Variants in ZNF331 observed in about 807,000 individuals in gnomAD.
ZNF331 encodes zinc finger protein 331, also known as C2H2-like zinc finger protein rearranged in thyroid adenomas.
ZNF331 carries 2 observed loss-of-function variants against 7.0 expected under a neutral mutation model. The observed-to-expected ratio is 0.29, with a 90% CI of 0.12 to 0.90. The LOEUF (loss-of-function observed/expected upper bound fraction) is 0.90. Ranked by LOEUF, ZNF331 falls within the 40% of genes least tolerant of loss-of-function variation. The pLI is 0.58. For synonymous variants in ZNF331, 196 were observed against 205.4 expected (o/e 0.95, Z 0.39); for missense variants, 432 against 587.7 (o/e 0.74, Z 2.74).
At chr19:53,551,575 A>T (rs928938788) in intron 2 of ZNF331, among the ~76,000 whole-genome samples, 1 of 152,142 alleles carries the variant, frequency 6.6e-6, no homozygotes, top group African/African-American at 2.4e-5. Context: ...CATGGCAACA[A>T]ATTATCAAAA....
chr19:53,531,572 C>T (rs2087541656), intron 2 of ZNF331, among the ~76,000 whole-genome samples: 1 of 152,160 alleles, frequency 6.6e-6, no homozygotes, highest in South Asian at 2.1e-4. Flanking sequence ...TTTCCCTAAG[C>T]CTGATTTTCA....
the ZNF331 span, among the ~76,000 whole-genome samples, chr19:53,508,688 A>G: frequency 3.5e-4 from 53 of 152,288 alleles, no homozygotes; most frequent in Non-Finnish European, 6.2e-4. Flanking sequence ...TTCCAGGCAC[A>G]ATATGTCATT....
the ZNF331 span, among the ~76,000 whole-genome samples, chr19:53,506,434 C>CTGTCTG: frequency 1.4e-5 from 1 of 73,164 alleles, no homozygotes; most frequent in Non-Finnish European, 2.9e-5. Context: ...CTCTCTCTCT[C>CTGTCTG]TCTCTCTCTG....
chr19:53,575,890 G>A (rs1288273187), intron 5 of ZNF331, among the ~76,000 whole-genome samples: 2 of 151,874 alleles, frequency 1.3e-5, no homozygotes, highest in East Asian at 1.9e-4. Flanking sequence ...CACCGTGTTG[G>A]CCAGGCTGGT....
intron 3 of ZNF331, among the ~76,000 whole-genome samples, chr19:53,565,366 T>G (rs1278651178): frequency 2.6e-5 from 4 of 152,200 alleles, no homozygotes; most frequent in Non-Finnish European, 5.9e-5. Flanking sequence ...TTTTCCTTTT[T>G]AAATTTTTTG....
intron 2 of ZNF331, among the ~76,000 whole-genome samples, chr19:53,554,273 G>C (rs1463034455): frequency 6.6e-6 from 1 of 152,232 alleles, no homozygotes; most frequent in African/African-American, 2.4e-5. Context: ...GCATGTGTCA[G>C]CGTCTGTGCA....
At chr19:53,530,643 A>G (rs961801227) in intron 2 of ZNF331, among the ~76,000 whole-genome samples, 2 of 152,244 alleles carry the variant, frequency 1.3e-5, no homozygotes, top group African/African-American at 4.8e-5. Context: ...CCTCAGACGT[A>G]AAAGGAAGCA....
intron 3 of ZNF331, among the ~76,000 whole-genome samples, chr19:53,556,535 G>A (rs2089442207): frequency 6.6e-6 from 1 of 150,944 alleles, no homozygotes; most frequent in Non-Finnish European, 1.5e-5. Context: ...ATGTTACCCA[G>A]GCTGGTCTTG....
chr19:53,559,988 C>A (rs1181545890), intron 3 of ZNF331, among the ~76,000 whole-genome samples: 1 of 149,974 alleles, frequency 6.7e-6, no homozygotes, highest in Non-Finnish European at 1.5e-5. Flanking sequence ...TATACACACA[C>A]CATATATACA....
rs2087387395 is a variant in ZNF331, at chr19:53,528,323, G to C, written c.-205+5639G>C. Among the ~76,000 whole-genome samples the C allele has an allele frequency of 1.3e-5, 2 of 151,908 alleles. 1 individual carries two copies. Among genetic ancestry groups the C allele is most frequent in the Admixed American group, 1.3e-4 (2 of 15,278 alleles). On this transcript the variant is annotated intron_variant, in intron 2 of 6. Coordinates refer to the ZNF331 transcript ENST00000253144. ...CATGATATTGATAGCTGATTGAGAA[G>C]CACATATTTTAGCATAAGAAAACAG...
At chr19:53,536,687 G>A (rs775309501), upstream of ZNF331, among the ~76,000 whole-genome samples, 1 of 152,184 alleles carries the variant, frequency 6.6e-6, no homozygotes, top group Non-Finnish European at 1.5e-5. Context: ...ATCACCTGAG[G>A]TCGGGAGTTC....
intron 2 of ZNF331, among the ~76,000 whole-genome samples, chr19:53,541,830 C>T (rs2088198470): frequency 6.6e-6 from 1 of 151,954 alleles, no homozygotes; most frequent in South Asian, 2.1e-4. Flanking sequence ...AACAGTGAGA[C>T]TCCATCTCTA....
chr19:53,573,985 G>A lies in ZNF331; in HGVS notation c.136+2255G>A, dbSNP rs966339100. 1.1e-4 allele frequency among the ~76,000 whole-genome samples: 17 copies of A among 152,060 alleles called. No homozygotes were observed. The South Asian group carries it at 2.1e-3, about 19-fold the overall frequency. ...AAAATTAGCCGGTGTGCTGGTGTGC[G>A]CCTGTAATCCCAGCTACCCAGGAGA... is the stretch of plus-strand genomic sequence containing the variant. On this transcript the variant is annotated intron_variant, in intron 5 of 5. Transcript: ENST00000449416. The surrounding 1 kb of genome is among the most constrained non-coding windows in gnomAD (Gnocchi z 4.2).
the ZNF331 span, among the ~76,000 whole-genome samples, chr19:53,505,088 CGGCCAACA>C: frequency 4.6e-5 from 7 of 152,126 alleles, no homozygotes; most frequent in African/African-American, 1.7e-4. Context: ...GAGCTGACAG[CGGCCAACA>C]GGCTGTCATA....
At chr19:53,508,170 A>T in the ZNF331 span, among the ~76,000 whole-genome samples, 5 of 152,310 alleles carry the variant, frequency 3.3e-5, no homozygotes, top group Middle Eastern at 6.8e-3. Flanking sequence ...AATCTGTCTC[A>T]TGCAGAGCTT....
chr19:53,574,875 TAAG>T (rs2090630027), intron 5 of ZNF331, among the ~76,000 whole-genome samples: 1 of 152,168 alleles, frequency 6.6e-6, no homozygotes, highest in Non-Finnish European at 1.5e-5. Context: ...TCATATTGGA[TAAG>T]AAGGATAAAA....
chr19:53,566,670 C>T (rs1207347482), intron 3 of ZNF331, among the ~76,000 whole-genome samples: 2 of 152,138 alleles, frequency 1.3e-5, no homozygotes, highest in East Asian at 3.9e-4. Flanking sequence ...AGTTTAGGCA[C>T]AGCGAGCCAC....
chr19:53,574,513 G>A (rs763113610), intron 5 of ZNF331, among the ~76,000 whole-genome samples: 2 of 147,588 alleles, frequency 1.4e-5, no homozygotes, highest in Non-Finnish European at 3.0e-5. Flanking sequence ...ATGTGCTGCT[G>A]GTGCTGCTGG....
intron 2 of ZNF331, among the ~76,000 whole-genome samples, chr19:53,523,009 A>G (rs2087144736): frequency 6.6e-6 from 1 of 152,046 alleles, no homozygotes; most frequent in South Asian, 2.1e-4. Flanking sequence ...ATTTTTTATT[A>G]TTGTAGTTAT....
Sources: gnomAD v4.1 joint callset for allele counts (sites outside exome capture counted in the v4.1 genomes callset) on GRCh38, gnomAD v4.1.1 for gene constraint, Gnocchi (gnomAD v3.1) non-coding constraint, MANE v1.5 for transcripts, NCBI Gene and HGNC (gene_info 2026-07-23, HGNC 2026-07-21) for gene names.